Variants in RIMS1 observed in about 807,000 individuals in gnomAD.
The protein encoded by RIMS1 is regulating synaptic membrane exocytosis 1, also known as regulating synaptic membrane exocytosis protein 1.
A neutral mutation model predicts 214.1 loss-of-function variants in RIMS1; 83 were observed. The ratio of observed to expected loss-of-function variants is 0.39; its 90% confidence interval spans 0.32 to 0.47. RIMS1 has a LOEUF of 0.47. Ranked by LOEUF, RIMS1 falls within the 20% of genes least tolerant of loss-of-function variation. The pLI, the probability that RIMS1 is intolerant of heterozygous loss-of-function variation, is 0.99. For synonymous variants in RIMS1, 793 were observed against 786.8 expected (o/e 1.01, Z -0.13); for missense variants, 2,050 against 2,161.8 (o/e 0.95, Z 1.03).
chr6:72,180,950 T>C (rs1054145902), intron 5 of RIMS1, among the ~76,000 whole-genome samples: 2 of 152,164 alleles, frequency 1.3e-5, no homozygotes, highest in African/African-American at 4.8e-5. Context: ...AGAACATGTG[T>C]TCCCAAGCTG....
At chr6:72,012,981 C>CT (rs1811368844) in intron 2 of RIMS1, among the ~76,000 whole-genome samples, 2 of 152,156 alleles carry the variant, frequency 1.3e-5, no homozygotes, top group South Asian at 4.1e-4. Flanking sequence ...ATCAAGACAC[C>CT]TGTGTTTAAA....
At chr6:72,382,207 C>T (rs747084110) in intron 29 of RIMS1, among the ~76,000 whole-genome samples, 16 of 152,220 alleles carry the variant, frequency 1.1e-4, no homozygotes, top group Non-Finnish European at 2.2e-4. Flanking sequence ...GAACCTTGTG[C>T]CATTTTCTAA....
chr6:72,125,764 A>C (rs1159723307), intron 4 of RIMS1, among the ~76,000 whole-genome samples: 3 of 152,196 alleles, frequency 2.0e-5, no homozygotes, highest in Non-Finnish European at 4.4e-5. Context: ...AGCAGTGAGC[A>C]AGACTCTGTG....
chr6:72,349,590 C>G (rs1178717842), intron 29 of RIMS1, among the ~76,000 whole-genome samples: 1 of 151,558 alleles, frequency 6.6e-6, no homozygotes, highest in Non-Finnish European at 1.5e-5. Context: ...GACCTGTCTA[C>G]CTGCATTATG....
intron 2 of RIMS1, among the ~76,000 whole-genome samples, chr6:72,059,840 G>T (rs59761547): frequency 0.11 from 17,194 of 152,188 alleles, 1,177 homozygotes; most frequent in South Asian, 0.18. Flanking sequence ...ATCTGGATTT[G>T]CAGTTTTTCT....
intron 2 of RIMS1, among the ~76,000 whole-genome samples, chr6:71,973,988 G>T (rs938751164): frequency 6.6e-6 from 1 of 152,148 alleles, no homozygotes; most frequent in Admixed American, 6.5e-5. Context: ...GTACTGAGAG[G>T]TGGTCCCTGT....
At chr6:72,366,722 G>C in intron 29 of RIMS1, 4 of 985,844 alleles carry the variant, frequency 4.1e-6, no homozygotes, top group Non-Finnish European at 4.8e-6. Context: ...GAGAGAGACA[G>C]AGAAGACAGT....
rs558321793 is a variant in RIMS1 at position 72,375,486 on chromosome 6, A to G, written c.4367-15112A>G. ...GTATGTCAGCTGGATGTTAGAAATTACACTGATGAACTAACTTGTACCAGC... is the reference window on the plus strand; with the variant it reads ...GTATGTCAGCTGGATGTTAGAAATTGCACTGATGAACTAACTTGTACCAGC... On this transcript the variant is annotated intron_variant, in intron 29 of 33. Coordinates refer to ENST00000521978, the MANE Select transcript of RIMS1 (RefSeq NM_014989.7). Among the ~76,000 whole-genome samples, 6 of 152,336 alleles carry G rather than the reference A, an allele frequency of 3.9e-5. No individual in the cohort carries two copies. The South Asian group carries it at 1.2e-3, about 32-fold the overall frequency.
intron 2 of RIMS1, among the ~76,000 whole-genome samples, chr6:71,980,107 G>A (rs1380850594): frequency 6.6e-6 from 1 of 152,070 alleles, no homozygotes; most frequent in Non-Finnish European, 1.5e-5. Flanking sequence ...TGTCCAGGAT[G>A]AGAACAGTCT....
At chr6:72,255,960 C>T (rs553398216) in intron 16 of RIMS1, among the ~76,000 whole-genome samples, 11 of 146,848 alleles carry the variant, frequency 7.5e-5, no homozygotes, top group South Asian at 2.1e-4. Context: ...CACTTCAACA[C>T]GAGAGGCAGA....
intron 23 of RIMS1, among the ~76,000 whole-genome samples, chr6:72,282,277 C>T (rs1469398446): frequency 2.0e-5 from 3 of 152,064 alleles, no homozygotes; most frequent in Non-Finnish European, 4.4e-5. Flanking sequence ...CCCCTTACTT[C>T]TCATCTTCCC....
chr6:72,182,701 C>G lies in RIMS1; in HGVS notation c.1230C>G (p.Gly410=), dbSNP rs544554763. 3.7e-4 allele frequency: 563 copies of G among 1,507,572 alleles called. 4 individuals are homozygous for G. In the African/African-American group the frequency reaches 6.8e-3, roughly 18 times the overall value. The allele number at this position is 1,507,572 out of a possible 1,614,324, so 93.4% of individuals were successfully genotyped here. Residue 410 remains glycine (G), a synonymous_variant, in exon 6 of 34, where the codon GGC becomes GGG. Transcript: ENST00000521978. ...AGAALPEGKA[G]KRAPAAARAS... ...CGGCGCTGCCGGAGGGCAAGGCCGG[C>G]AAACGCGCGCCGGCGGCAGCCAGGG...
intron 4 of RIMS1, among the ~76,000 whole-genome samples, chr6:72,116,479 C>A (rs1267323023): frequency 1.3e-5 from 2 of 151,986 alleles, no homozygotes; most frequent in Non-Finnish European, 2.9e-5. Flanking sequence ...ACACAGGATG[C>A]AGTTCCACAA....
intron 1 of RIMS1, among the ~76,000 whole-genome samples, chr6:71,898,488 T>C (rs1772564889): frequency 1.3e-5 from 2 of 152,148 alleles, no homozygotes; most frequent in Admixed American, 1.3e-4. Flanking sequence ...CTAAATTGTA[T>C]AGCCTGTGTG....
intron 4 of RIMS1, among the ~76,000 whole-genome samples, chr6:72,132,676 T>C (rs1293165601): frequency 2.0e-5 from 3 of 151,706 alleles, no homozygotes; most frequent in Non-Finnish European, 4.4e-5. Flanking sequence ...TCAAATATGG[T>C]CACTTTAAAC....
intron 2 of RIMS1, among the ~76,000 whole-genome samples, chr6:72,048,066 C>T (rs1471370415): frequency 6.6e-6 from 1 of 152,156 alleles, no homozygotes; most frequent in Non-Finnish European, 1.5e-5. Context: ...AAAAATCCCA[C>T]TCTCATGAAG....
In RIMS1 at chr6:72,399,059, GT is replaced by G; in HGVS notation, c.4830del (p.Phe1610LeufsTer12). On this transcript the variant is annotated frameshift_variant, in exon 33 of 34. Transcript: ENST00000521978. LOFTEE classifies it high-confidence loss of function. ...TLDPLYQQSL[V>X]FDESPQGKVL... Reference sequence around the variant, plus strand: ...TGATCCTTTGTATCAGCAGTCTCTGGTTTTTGATGAAAGTCCACAGGGTAAA... The same window carrying G: ...TGATCCTTTGTATCAGCAGTCTCTGGTTTTGATGAAAGTCCACAGGGTAAA... 1 of 1,608,494 alleles carries G rather than the reference GT, an allele frequency of 6.2e-7. No individual in the cohort carries two copies. The highest frequency in any genetic ancestry group is 8.5e-7 in the Non-Finnish European group (1 of 1,176,932).
At chr6:72,032,080 T>G (rs1447508184) in intron 2 of RIMS1, among the ~76,000 whole-genome samples, 1 of 152,018 alleles carries the variant, frequency 6.6e-6, no homozygotes, top group East Asian at 1.9e-4. Context: ...AAGGAAGGAA[T>G]GCAGAGTCTA....
chr6:72,189,355 A>G (rs892119153), intron 6 of RIMS1, among the ~76,000 whole-genome samples: 1 of 152,200 alleles, frequency 6.6e-6, no homozygotes, highest in African/African-American at 2.4e-5. Context: ...TTTCATGAGC[A>G]TGAGCCCACT....
Sources: gnomAD v4.1 joint callset for allele counts (sites outside exome capture counted in the v4.1 genomes callset) on GRCh38, gnomAD v4.1.1 for gene constraint, MANE v1.5 for transcripts, NCBI Gene and HGNC (gene_info 2026-07-23, HGNC 2026-07-21) for gene names.